DOCK4: variants seen among roughly 807,000 people sequenced by gnomAD.
DOCK4 encodes the protein dedicator of cytokinesis 4.
A neutral mutation model predicts 268.1 loss-of-function variants in DOCK4; 97 were observed. That is an observed-to-expected ratio of 0.36 (90% CI 0.31 to 0.43). The LOEUF is 0.43. Among genes scored for constraint, DOCK4 ranks in the 20% least tolerant of loss-of-function variants. The pLI is 1.00. For missense variants in DOCK4, 2,145 were observed against 2,455.7 expected, an observed-to-expected ratio of 0.87 and a Z score of 2.67; for synonymous variants, 954 against 887.2, an observed-to-expected ratio of 1.08 and a Z score of -1.34.
intron 1 of DOCK4, among the ~76,000 whole-genome samples, chr7:112,187,477 T>C (rs1256740481): frequency 6.6e-6 from 1 of 152,192 alleles, no homozygotes; most frequent in Non-Finnish European, 1.5e-5. Context: ...TTCTGGAGAA[T>C]AAAAATGAAG....
chr7:111,769,728 T>C, intron 36 of DOCK4, 51 bp from the exon 37 acceptor site: 1 of 1,578,134 alleles, frequency 6.3e-7, no homozygotes, highest in Admixed American at 1.8e-5. Flanking sequence ...CAAGCCACAT[T>C]CCCTCAAATG....
At chr7:112,092,671 G>T (rs534503433) in intron 1 of DOCK4, among the ~76,000 whole-genome samples, 1 of 152,278 alleles carries the variant, frequency 6.6e-6, no homozygotes, top group East Asian at 1.9e-4. Context: ...AACAGCCAAA[G>T]ATGACCCTGC....
intron 30 of DOCK4, among the ~76,000 whole-genome samples, chr7:111,802,458 G>A (rs1800373499): frequency 6.6e-6 from 1 of 152,136 alleles, no homozygotes; most frequent in Admixed American, 6.5e-5. Context: ...CCTTTGCACA[G>A]CTTTTGGGTA....
rs1157800209 is a variant in DOCK4, at chr7:111,988,978, A to G, written c.464+37T>C. The G allele has an allele frequency of 2.5e-6, 4 of 1,578,412 alleles. No individual in the cohort carries two copies. In the East Asian group the frequency reaches 9.3e-5, roughly 37 times the overall value. On this transcript the variant is annotated intron_variant, in intron 6 of 52. Coordinates refer to ENST00000428084, the MANE Select transcript of DOCK4 (RefSeq NM_001363540.2). ...GGCCTATGTCACTTCCATTGTGTTCACCTACTAGAGGCCGCCCTGTGATGC... is the reference window on the plus strand; with the variant it reads ...GGCCTATGTCACTTCCATTGTGTTCGCCTACTAGAGGCCGCCCTGTGATGC...
intron 23 of DOCK4, among the ~76,000 whole-genome samples, chr7:111,850,915 C>T (rs1047020161): frequency 4.6e-5 from 7 of 152,190 alleles, no homozygotes; most frequent in East Asian, 1.9e-4. Context: ...TCTCTTCACA[C>T]GGACGCGTGT....
rs761880363 is a variant in DOCK4 at position 111,940,239 on chromosome 7, C to T, written c.848G>A (p.Arg283Gln). Reference sequence around the variant, plus strand: ...ATTCTTTTTTTCTCCTGCTCCCATTCGACCTGTTCAATTAAAGAGCAATCA... The same window carrying T: ...ATTCTTTTTTTCTCCTGCTCCCATTTGACCTGTTCAATTAAAGAGCAATCA... The part of the protein sequence containing the change: ...YITVHIIRIG[R>Q]MGAGEKKNAC... The change falls in exon 11 of 53, where the codon CGA becomes CAA. Residue 283 changes from arginine (R) to glutamine (Q), a missense_variant. Arg to Gln is a conservative substitution (Grantham distance 43). Transcript: ENST00000428084. 4.3e-6 allele frequency: 7 copies of T among 1,613,970 alleles called. No individual in the cohort carries two copies. The highest frequency in any genetic ancestry group is 2.2e-5 in the East Asian group (1 of 44,882).
chr7:111,917,081 G>A (rs1054876865), intron 12 of DOCK4, among the ~76,000 whole-genome samples: 3 of 139,326 alleles, frequency 2.2e-5, no homozygotes, highest in African/African-American at 2.8e-5. Context: ...TCCGCCTCCC[G>A]GGTTCAAGCA....
intron 52 of DOCK4, 66 bp downstream of exon 52, chr7:111,732,160 G>A (rs990433292): frequency 6.7e-7 from 1 of 1,489,920 alleles, no homozygotes; most frequent in African/African-American, 1.4e-5. Flanking sequence ...GATATATCTG[G>A]GATGAGTCTT....
intron 16 of DOCK4, among the ~76,000 whole-genome samples, chr7:111,892,417 G>A (rs1808359544): frequency 6.6e-6 from 1 of 152,158 alleles, no homozygotes; most frequent in Non-Finnish European, 1.5e-5. Context: ...GGCCAGGCTG[G>A]TCTTGAATTC....
At chr7:111,926,523 AAGAAAAAGAG>A (rs879928399) in intron 12 of DOCK4, among the ~76,000 whole-genome samples, 19 of 149,110 alleles carry the variant, frequency 1.3e-4, no homozygotes, top group Non-Finnish European at 2.7e-4. Flanking sequence ...GAAAAAAAGA[AAGAAAAAGAG>A]AAAGAGAAAG....
intron 1 of DOCK4, among the ~76,000 whole-genome samples, chr7:112,010,175 A>T (rs1330003714): frequency 6.6e-6 from 1 of 152,176 alleles, no homozygotes; most frequent in South Asian, 2.1e-4. Context: ...CTATGATGGA[A>T]AAGGAAAAGG....
intron 1 of DOCK4, among the ~76,000 whole-genome samples, chr7:112,034,096 T>C (rs1335375534): frequency 6.6e-6 from 1 of 152,160 alleles, no homozygotes; most frequent in Non-Finnish European, 1.5e-5. Context: ...TGTGTGCATT[T>C]TGAGGGCAGG....
chr7:112,041,859 C>G, intron 1 of DOCK4, among the ~76,000 whole-genome samples: 1 of 152,160 alleles, frequency 6.6e-6, no homozygotes, highest in East Asian at 1.9e-4. Context: ...CCCAGCCTGC[C>G]CCTTTTGCAT....
At chr7:111,786,878 G>A (rs370657025) in intron 32 of DOCK4, among the ~76,000 whole-genome samples, 6 of 152,208 alleles carry the variant, frequency 3.9e-5, no homozygotes, top group African/African-American at 1.4e-4. Context: ...TGACACTTAA[G>A]TATCACTTTT....
intron 26 of DOCK4, among the ~76,000 whole-genome samples, chr7:111,832,233 C>A (rs112456530): frequency 0.017 from 2,655 of 152,278 alleles, 77 homozygotes; most frequent in African/African-American, 0.061. Flanking sequence ...TCCTACTAAC[C>A]TCAGTTCTCA....
chr7:112,011,487 A>AGTTC (rs1344042453), intron 1 of DOCK4, among the ~76,000 whole-genome samples: 1 of 152,176 alleles, frequency 6.6e-6, no homozygotes, highest in East Asian at 1.9e-4. Flanking sequence ...TTCATGTGTT[A>AGTTC]GTTCTAACCT....
At chr7:112,086,570 G>T (rs1280453309) in intron 1 of DOCK4, among the ~76,000 whole-genome samples, 1 of 152,064 alleles carries the variant, frequency 6.6e-6, no homozygotes, top group Admixed American at 6.6e-5. Context: ...ATGAGACACA[G>T]GTTCCTCCTG....
At chr7:112,129,687 T>C (rs1813616396) in intron 1 of DOCK4, among the ~76,000 whole-genome samples, 1 of 152,144 alleles carries the variant, frequency 6.6e-6, no homozygotes, top group Non-Finnish European at 1.5e-5. Flanking sequence ...TGTGAGTCTA[T>C]AATTATAATT....
chr7:111,770,313 G>A (rs1380945383), intron 36 of DOCK4, among the ~76,000 whole-genome samples: 1 of 151,916 alleles, frequency 6.6e-6, no homozygotes, highest in Non-Finnish European at 1.5e-5. Context: ...TGGGGGGAGT[G>A]TGTGGGTGTG....
Sources: allele counts gnomAD v4.1 joint callset (sites outside exome capture counted in the v4.1 genomes callset), GRCh38; gene constraint gnomAD v4.1.1; transcripts MANE v1.5; gene names NCBI Gene and HGNC (gene_info 2026-07-23, HGNC 2026-07-21).